The following NRG3 variants were observed in gnomAD, a reference collection of about 807,000 sequenced individuals.
NRG3 encodes neuregulin 3, also known as pro-neuregulin-3, membrane-bound isoform.
NRG3 carries 31 observed loss-of-function variants against 66.9 expected under a neutral mutation model. That is an observed-to-expected ratio of 0.46 (90% confidence interval 0.35 to 0.63). NRG3 has a LOEUF of 0.63. Among genes scored for constraint, NRG3 ranks in the 20% least tolerant of loss-of-function variants. The pLI, the probability that NRG3 is intolerant of heterozygous loss-of-function variation, is 0.00. For synonymous variants in NRG3, 393 were observed against 359.4 expected, an observed-to-expected ratio of 1.09 and a Z score of -1.06; for missense variants, 910 against 878.9, an observed-to-expected ratio of 1.04 and a Z score of -0.45.
chr10:82,546,875 A>T (rs1379897874), intron 2 of NRG3, among the ~76,000 whole-genome samples: 1 of 152,196 alleles, frequency 6.6e-6, no homozygotes, highest in Non-Finnish European at 1.5e-5. Flanking sequence ...AAGATTGAAG[A>T]ATTACTCAAA....
Position 81,875,309 on chromosome 10 carries a change from C to T in NRG3, c.-32C>T. On this transcript the variant is annotated 5_prime_UTR_variant, in exon 1 of 9. Transcript: ENST00000372141. This position sits in a 1 kb window ranked among gnomAD's most constrained non-coding sequence, Gnocchi z 5.3. The stretch of plus-strand genomic sequence containing the variant: ...GGCCCCATGCCTCTGCCGCGGCCCT[C>T]GGGGGGGCGAAGGTGAAGACCGGCT... 1.0e-6 allele frequency: 1 copy of T among 983,546 alleles called. No homozygotes were observed. 60.9% of individuals were successfully genotyped at this position (983,546 alleles called of 1,614,324 possible). A position where few individuals can be genotyped will look rare whatever the true frequency, so the allele number is the denominator to read the frequency against.
chr10:82,240,628 A>G (rs1379280711), intron 1 of NRG3, among the ~76,000 whole-genome samples: 2 of 152,158 alleles, frequency 1.3e-5, no homozygotes, highest in African/African-American at 2.4e-5. Context: ...GATGGCCTCA[A>G]TTGAAATGCT....
At chr10:82,775,476 A>T (rs1371079106) in intron 3 of NRG3, among the ~76,000 whole-genome samples, 1 of 152,082 alleles carries the variant, frequency 6.6e-6, no homozygotes. Flanking sequence ...AAATAATACT[A>T]GATATGATTT....
At chr10:82,682,850 A>G (rs940577280) in intron 2 of NRG3, among the ~76,000 whole-genome samples, 1 of 152,040 alleles carries the variant, frequency 6.6e-6, no homozygotes, top group Non-Finnish European at 1.5e-5. Flanking sequence ...GACAAAAACT[A>G]AAACTCTTTG....
chr10:82,841,571 G>A (rs1389141093), intron 3 of NRG3, among the ~76,000 whole-genome samples: 2 of 152,168 alleles, frequency 1.3e-5, no homozygotes, highest in African/African-American at 2.4e-5. Flanking sequence ...TCAGGCAGGA[G>A]TTGGTACTGT....
intron 1 of NRG3, among the ~76,000 whole-genome samples, chr10:82,252,039 C>A (rs2077512297): frequency 6.6e-6 from 1 of 152,176 alleles, no homozygotes; most frequent in African/African-American, 2.4e-5. Context: ...GTGCTGTGGA[C>A]AGAGAAGCAA....
At chr10:82,586,856 G>A (rs927748032) in intron 2 of NRG3, among the ~76,000 whole-genome samples, 1 of 152,104 alleles carries the variant, frequency 6.6e-6, no homozygotes, top group African/African-American at 2.4e-5. Flanking sequence ...GATTTTGAAT[G>A]TAATCAAAAA....
chr10:82,582,492 T>C (rs2046414004), intron 2 of NRG3, among the ~76,000 whole-genome samples: 1 of 152,100 alleles, frequency 6.6e-6, no homozygotes, highest in Admixed American at 6.6e-5. Flanking sequence ...GTTAGATCAT[T>C]CTTGGACATC....
At chr10:82,580,551 T>C (rs750443495) in intron 2 of NRG3, among the ~76,000 whole-genome samples, 4 of 152,028 alleles carry the variant, frequency 2.6e-5, no homozygotes, top group Non-Finnish European at 4.4e-5. Context: ...CATCTATTCA[T>C]CCCTCCATCC....
chr10:82,633,274 A>G (rs1345547597), intron 2 of NRG3, among the ~76,000 whole-genome samples: 1 of 152,212 alleles, frequency 6.6e-6, no homozygotes, highest in Non-Finnish European at 1.5e-5. Flanking sequence ...GCATAGGAAA[A>G]TAGAATTTCC....
intron 2 of NRG3, among the ~76,000 whole-genome samples, chr10:82,414,503 ACAGGAAGTGAG>A (rs1288596781): frequency 6.6e-6 from 1 of 152,148 alleles, no homozygotes; most frequent in Non-Finnish European, 1.5e-5. Flanking sequence ...ACACACAAAG[ACAGGAAGTGAG>A]CACATGCCGT....
At chr10:82,120,027 T>C (rs1037090847) in intron 1 of NRG3, among the ~76,000 whole-genome samples, 7 of 152,102 alleles carry the variant, frequency 4.6e-5, no homozygotes, top group African/African-American at 1.7e-4. Flanking sequence ...CTTCCTAAAA[T>C]AAATGAAGAA....
chr10:82,154,154 A>G (rs1370879731), intron 1 of NRG3, among the ~76,000 whole-genome samples: 1 of 152,148 alleles, frequency 6.6e-6, no homozygotes, highest in Non-Finnish European at 1.5e-5. Flanking sequence ...GCCCACACCA[A>G]TGTTGTGAAG....
chr10:82,344,062 TTTC>T (rs2082834955), intron 1 of NRG3, among the ~76,000 whole-genome samples: 1 of 145,278 alleles, frequency 6.9e-6, no homozygotes, highest in South Asian at 2.1e-4. Context: ...TTTTTTTTTC[TTTC>T]TTTTTTTTTT....
At chr10:81,933,186 G>C (rs887003708) in intron 1 of NRG3, among the ~76,000 whole-genome samples, 9 of 151,736 alleles carry the variant, frequency 5.9e-5, no homozygotes, top group African/African-American at 1.9e-4. Context: ...TAATGAAAGA[G>C]GATCAAGCCT....
At chr10:82,649,122 A>G (rs1339935530) in intron 2 of NRG3, among the ~76,000 whole-genome samples, 2 of 152,194 alleles carry the variant, frequency 1.3e-5, no homozygotes. Context: ...AGTTCTGGCC[A>G]GGGCAATTAG....
chr10:82,448,411 C>A (rs2090851651), intron 2 of NRG3, among the ~76,000 whole-genome samples: 1 of 152,156 alleles, frequency 6.6e-6, no homozygotes, highest in South Asian at 2.1e-4. Flanking sequence ...TTATGAAGTT[C>A]TCTGCATACA....
intron 1 of NRG3, among the ~76,000 whole-genome samples, chr10:82,129,053 C>T (rs999143907): frequency 3.9e-5 from 6 of 151,936 alleles, no homozygotes; most frequent in Non-Finnish European, 5.9e-5. Flanking sequence ...GCTGTGATTA[C>T]AGATGCCTGC....
At chr10:82,220,287 A>G (rs1049715863) in intron 1 of NRG3, among the ~76,000 whole-genome samples, 1 of 152,070 alleles carries the variant, frequency 6.6e-6, no homozygotes, top group South Asian at 2.1e-4. Context: ...GGCACCTAAC[A>G]ATACAGACCA....
Sources: gnomAD v4.1 joint callset for allele counts (sites outside exome capture counted in the v4.1 genomes callset) on GRCh38, gnomAD v4.1.1 for gene constraint, Gnocchi (gnomAD v3.1) non-coding constraint, MANE v1.5 for transcripts, NCBI Gene and HGNC (gene_info 2026-07-23, HGNC 2026-07-21) for gene names.